The following LRFN5 variants were observed in gnomAD, a reference collection of about 807,000 sequenced individuals.
LRFN5 encodes the protein leucine-rich repeat and fibronectin type-III domain-containing protein 5.
A neutral mutation model predicts 45.6 loss-of-function variants in LRFN5; 24 were observed. That is an observed-to-expected ratio of 0.53 (90% CI 0.38 to 0.74). LRFN5 has a LOEUF of 0.74. Ranked by LOEUF, LRFN5 falls within the 30% of genes least tolerant of loss-of-function variation. LRFN5 has a pLI of 0.00. For synonymous variants in LRFN5, 340 were observed against 313.8 expected, an observed-to-expected ratio of 1.08 and a Z score of -0.88; for missense variants, 776 against 861.5, an observed-to-expected ratio of 0.90 and a Z score of 1.24.
intron 2 of LRFN5, among the ~76,000 whole-genome samples, chr14:41,881,366 T>G (rs1272926220): frequency 1.3e-5 from 2 of 151,874 alleles, no homozygotes; most frequent in Non-Finnish European, 2.9e-5. Context: ...ATTATTTCAT[T>G]TTCTTTTGAC....
intron 1 of LRFN5, among the ~76,000 whole-genome samples, chr14:41,713,149 C>T (rs72686519): frequency 0.013 from 1,971 of 152,094 alleles, 22 homozygotes; most frequent in South Asian, 0.035. Context: ...GCTGTAGAAC[C>T]AGCTACTGAA....
intron 1 of LRFN5, among the ~76,000 whole-genome samples, chr14:41,736,853 T>C (rs1441576555): frequency 6.6e-6 from 1 of 152,010 alleles, no homozygotes; most frequent in African/African-American, 2.4e-5. Flanking sequence ...ATTAAGGCAG[T>C]AATTAAAGCC....
At chr14:41,679,524 T>C (rs1162516472) in intron 1 of LRFN5, among the ~76,000 whole-genome samples, 1 of 152,060 alleles carries the variant, frequency 6.6e-6, no homozygotes, top group African/African-American at 2.4e-5. Flanking sequence ...GAACATGTTG[T>C]CTTTGAAGGG....
chr14:41,817,561 G>A (rs2139005357), intron 2 of LRFN5, among the ~76,000 whole-genome samples: 1 of 152,156 alleles, frequency 6.6e-6, no homozygotes, highest in Admixed American at 6.5e-5. Flanking sequence ...GTCCACAGTT[G>A]GGTATTTCTC....
rs1353827509 is a variant in LRFN5, at chr14:41,608,176, C to T, written c.-583C>T. 6.5e-6 allele frequency: 1 copy of T among 152,914 alleles called. No individual in the cohort carries two copies. Among genetic ancestry groups the T allele is most frequent in the African/African-American group, 2.4e-5 (1 of 41,446 alleles). 9.5% of individuals were successfully genotyped at this position (152,914 alleles called of 1,614,324 possible). ...AGGACCGGTTCCCTCCGTGCTGCTT[C>T]CTCCCCGTGCAGTGCTGGGTGTGCG... On this transcript the variant is annotated 5_prime_UTR_variant, in exon 1 of 6. Transcript: ENST00000298119.
At chr14:41,735,101 A>C (rs1335447568) in intron 1 of LRFN5, among the ~76,000 whole-genome samples, 1 of 152,026 alleles carries the variant, frequency 6.6e-6, no homozygotes, top group Non-Finnish European at 1.5e-5. Flanking sequence ...TCTGAGTTTT[A>C]CTCGACTTAT....
intron 1 of LRFN5, among the ~76,000 whole-genome samples, chr14:41,742,320 C>CAT (rs1190316223): frequency 7.1e-6 from 1 of 140,280 alleles, no homozygotes; most frequent in Non-Finnish European, 1.5e-5. Context: ...TATACACACA[C>CAT]ACACACACAC....
chr14:41,867,096 C>T (rs1889865935), intron 2 of LRFN5, among the ~76,000 whole-genome samples: 1 of 151,950 alleles, frequency 6.6e-6, no homozygotes, highest in African/African-American at 2.4e-5. Flanking sequence ...ACTTTAAGAC[C>T]AGCCTCCTTA....
intron 1 of LRFN5, among the ~76,000 whole-genome samples, chr14:41,758,069 A>C (rs1466987449): frequency 6.6e-6 from 1 of 152,142 alleles, no homozygotes; most frequent in South Asian, 2.1e-4. Flanking sequence ...ATGCTTTCAA[A>C]TGGCCTTTGA....
At chr14:41,773,462 G>A (rs910462224) in intron 2 of LRFN5, among the ~76,000 whole-genome samples, 2 of 152,054 alleles carry the variant, frequency 1.3e-5, no homozygotes, top group African/African-American at 2.4e-5. Context: ...AACACTGCAA[G>A]ATCAGAGTCT....
chr14:41,645,874 A>T (rs1283119956), intron 1 of LRFN5, among the ~76,000 whole-genome samples: 1 of 152,198 alleles, frequency 6.6e-6, no homozygotes, highest in African/African-American at 2.4e-5. Flanking sequence ...CTACATTTTC[A>T]TGTTAAATTG....
intron 2 of LRFN5, among the ~76,000 whole-genome samples, chr14:41,870,460 A>T (rs1289838269): frequency 6.6e-6 from 1 of 152,192 alleles, no homozygotes; most frequent in Non-Finnish European, 1.5e-5. Flanking sequence ...CACGGCAGAA[A>T]GTAAATGAGG....
intron 1 of LRFN5, among the ~76,000 whole-genome samples, chr14:41,639,949 A>ATTTTTTTTTTTTTTTTTTTT (rs34020254): frequency 7.3e-5 from 5 of 68,036 alleles, no homozygotes; most frequent in African/African-American, 5.7e-5. Context: ...TGACTGGCTA[A>ATTTTTTTTTTTTTTTTTTTT]TTTTTTTTTT....
At chr14:41,890,264 G>T (rs964914632) in intron 3 of LRFN5, among the ~76,000 whole-genome samples, 3 of 152,150 alleles carry the variant, frequency 2.0e-5, no homozygotes, top group African/African-American at 7.2e-5. Context: ...ACAACGGGAT[G>T]AGGGATTTAT....
intron 1 of LRFN5, among the ~76,000 whole-genome samples, chr14:41,622,746 T>TAG (rs916159626): frequency 1.7e-4 from 26 of 152,110 alleles, no homozygotes; most frequent in Non-Finnish European, 4.4e-5. Flanking sequence ...TTCTTTTTGT[T>TAG]AGAGAGAGAT....
At chr14:41,776,085 C>A (rs1165044396) in intron 2 of LRFN5, among the ~76,000 whole-genome samples, 2 of 152,142 alleles carry the variant, frequency 1.3e-5, no homozygotes, top group African/African-American at 4.8e-5. Flanking sequence ...GGAATCGCTT[C>A]TTGGATTTGT....
intron 1 of LRFN5, among the ~76,000 whole-genome samples, chr14:41,674,250 G>A (rs1186421427): frequency 4.7e-5 from 6 of 127,834 alleles, no homozygotes; most frequent in South Asian, 2.7e-4. Context: ...CGGGCAGAGG[G>A]GCTCCTCACT....
At chr14:41,780,061 A>G (rs1455399375) in intron 2 of LRFN5, among the ~76,000 whole-genome samples, 3 of 151,718 alleles carry the variant, frequency 2.0e-5, no homozygotes, top group Non-Finnish European at 4.4e-5. Context: ...TTTTTTTCTA[A>G]TATATGTATT....
chr14:41,815,470 A>C (rs904996781), intron 2 of LRFN5, among the ~76,000 whole-genome samples: 9 of 152,254 alleles, frequency 5.9e-5, no homozygotes, highest in African/African-American at 2.2e-4. Context: ...GCGGTGGCTC[A>C]CTGGAATCTA....
Sources: allele counts gnomAD v4.1 joint callset (sites outside exome capture counted in the v4.1 genomes callset), GRCh38; gene constraint gnomAD v4.1.1; transcripts MANE v1.5; gene names NCBI Gene and HGNC (gene_info 2026-07-23, HGNC 2026-07-21).